SLC24A2: variants seen among roughly 807,000 people sequenced by gnomAD.
SLC24A2 encodes the protein solute carrier family 24 member 2.
A neutral mutation model predicts 62.0 loss-of-function variants in SLC24A2; 36 were observed. The ratio of observed to expected loss-of-function variants is 0.58; its 90% CI spans 0.44 to 0.77. The LOEUF (loss-of-function observed/expected upper bound fraction) is 0.77, where lower values mean the gene tolerates loss of function less well. Ranked by LOEUF, SLC24A2 falls within the 30% of genes least tolerant of loss-of-function variation. SLC24A2 has a pLI of 0.00. For synonymous variants in SLC24A2, 358 were observed against 294.0 expected (o/e 1.22, Z -2.23); for missense variants, 846 against 817.9 (o/e 1.03, Z -0.42).
chr9:19,980,497 A>T, the SLC24A2 span, among the ~76,000 whole-genome samples: 2 of 152,124 alleles, frequency 1.3e-5, no homozygotes, highest in Non-Finnish European at 2.9e-5. Flanking sequence ...GAAAAGACAA[A>T]AGTAAGTCTT....
chr9:19,865,646 T>C, the SLC24A2 span, among the ~76,000 whole-genome samples: 48 of 152,110 alleles, frequency 3.2e-4, no homozygotes, highest in African/African-American at 1.1e-3. Flanking sequence ...TGGATATCCA[T>C]ATACAGAAGA....
chr9:19,807,962 A>G, the SLC24A2 span, among the ~76,000 whole-genome samples: 1 of 152,256 alleles, frequency 6.6e-6, no homozygotes, highest in African/African-American at 2.4e-5. Context: ...CTAAATGGTT[A>G]TTCCTTTCAG....
the SLC24A2 span, among the ~76,000 whole-genome samples, chr9:20,273,633 T>G: frequency 6.6e-6 from 1 of 152,200 alleles, no homozygotes. Flanking sequence ...CCTCCTTGCC[T>G]TCCACCATGA....
At chr9:19,691,496 C>G (rs1267170012) in intron 2 of SLC24A2, among the ~76,000 whole-genome samples, 2 of 152,168 alleles carry the variant, frequency 1.3e-5, no homozygotes, top group Non-Finnish European at 2.9e-5. Context: ...CCTCAGTCAT[C>G]CATGCACTAC....
chr9:19,723,244 G>A (rs1178770275), intron 2 of SLC24A2, among the ~76,000 whole-genome samples: 2 of 152,014 alleles, frequency 1.3e-5, no homozygotes, highest in Admixed American at 6.6e-5. Context: ...ATTATTTTAG[G>A]TAGTGCTTTA....
Position 19,787,021 on chromosome 9 carries a change from T to C in SLC24A2, c.-153-2A>G. 7.2e-7 allele frequency: 1 copy of C among 1,385,680 alleles called. No individual in the cohort carries two copies. Among genetic ancestry groups the C allele is most frequent in the South Asian group, 1.9e-5 (1 of 52,476 alleles). The allele number at this position is 1,385,680 out of a possible 1,614,324, so 85.8% of individuals were successfully genotyped here. ...CACAGGAAACTTTCATCATTTATGC[T>C]TAAATAAAAATAAAAACGAGAATAA... is the stretch of plus-strand genomic sequence containing the variant. On this transcript the variant is annotated splice_acceptor_variant, in intron 1 of 10. Transcript: ENST00000341998. LOFTEE classifies it low-confidence loss of function (5UTR_SPLICE).
chr9:19,817,339 G>T, the SLC24A2 span, among the ~76,000 whole-genome samples: 8 of 151,448 alleles, frequency 5.3e-5, no homozygotes, highest in Non-Finnish European at 1.0e-4. Context: ...GCCCAAAAGA[G>T]GCAAAAGATA....
chr9:20,216,154 G>A, the SLC24A2 span, among the ~76,000 whole-genome samples: 34 of 152,104 alleles, frequency 2.2e-4, no homozygotes, highest in East Asian at 3.8e-4. Flanking sequence ...TGATATCAAC[G>A]GTGCCTTGGG....
chr9:19,558,432 A>AGG (rs1437922879), intron 7 of SLC24A2, among the ~76,000 whole-genome samples: 1 of 152,224 alleles, frequency 6.6e-6, no homozygotes, highest in East Asian at 1.9e-4. Flanking sequence ...AGTCTGATGT[A>AGG]GGGAGGAGGT....
the SLC24A2 span, among the ~76,000 whole-genome samples, chr9:20,078,428 T>A: frequency 2.8e-4 from 43 of 152,056 alleles, no homozygotes; most frequent in African/African-American, 9.9e-4. Flanking sequence ...AGCATAGGTT[T>A]CTGGGGCTTT....
At chr9:20,066,649 T>C in the SLC24A2 span, among the ~76,000 whole-genome samples, 1 of 152,280 alleles carries the variant, frequency 6.6e-6, no homozygotes, top group East Asian at 1.9e-4. Flanking sequence ...TTATGGAACA[T>C]GGGTATTAAT....
At chr9:19,535,896 G>C (rs994422941) in intron 8 of SLC24A2, among the ~76,000 whole-genome samples, 25 of 151,716 alleles carry the variant, frequency 1.6e-4, no homozygotes, top group African/African-American at 5.6e-4. Flanking sequence ...GTGGTAGCTT[G>C]ATGGGGACAG....
At chr9:20,192,283 A>G in the SLC24A2 span, among the ~76,000 whole-genome samples, 11 of 152,130 alleles carry the variant, frequency 7.2e-5, no homozygotes, top group East Asian at 1.3e-3. Flanking sequence ...GGCCAAGAAG[A>G]TGGACAAAGG....
At chr9:19,780,536 G>A (rs1822982480) in intron 2 of SLC24A2, among the ~76,000 whole-genome samples, 1 of 151,578 alleles carries the variant, frequency 6.6e-6, no homozygotes, top group African/African-American at 2.4e-5. Context: ...AAAGTGCTGG[G>A]ATTACAGGTG....
chr9:20,034,994 A>C, the SLC24A2 span, among the ~76,000 whole-genome samples: 6 of 152,312 alleles, frequency 3.9e-5, no homozygotes, highest in Admixed American at 3.9e-4. Context: ...CCAAGAAAAA[A>C]TATAGTTAAA....
chr9:20,089,410 C>T, the SLC24A2 span, among the ~76,000 whole-genome samples: 3 of 152,070 alleles, frequency 2.0e-5, no homozygotes, highest in Non-Finnish European at 2.9e-5. Context: ...CAAACCACAA[C>T]CCCTGTGCCA....
intron 2 of SLC24A2, among the ~76,000 whole-genome samples, chr9:19,676,909 T>C (rs530639713): frequency 8.9e-4 from 136 of 152,324 alleles, no homozygotes; most frequent in African/African-American, 3.2e-3. Context: ...AGAATGGCTA[T>C]TAATAAAAAG....
chr9:19,888,917 C>G, the SLC24A2 span, among the ~76,000 whole-genome samples: 1 of 152,182 alleles, frequency 6.6e-6, no homozygotes, highest in African/African-American at 2.4e-5. Flanking sequence ...CTGTTTCTCC[C>G]TGAATCTAAC....
In SLC24A2 at chr9:19,786,962, T is replaced by C. The variant is rs111260124; in HGVS notation, c.-96A>G. 1,014 of 1,519,790 alleles carry C rather than the reference T, an allele frequency of 6.7e-4. 5 individuals carry two copies. The African/African-American group carries it at 0.012, about 18-fold the overall frequency. The allele number at this position is 1,519,790 out of a possible 1,614,324, so 94.1% of individuals were successfully genotyped here. A position where few individuals can be genotyped will look rare whatever the true frequency, so the allele number is the denominator to read the frequency against. On this transcript the variant is annotated 5_prime_UTR_variant, in exon 2 of 11. Transcript: ENST00000341998. The surrounding 1 kb of genome is among the most constrained non-coding windows in gnomAD (Gnocchi z 5.0). ...CTTACTTTATAGTTAACGATGCTTG[T>C]GGGGTACTTTCACAATCAGGGATTG...
Sources: gnomAD v4.1 joint callset for allele counts (sites outside exome capture counted in the v4.1 genomes callset) on GRCh38, gnomAD v4.1.1 for gene constraint, Gnocchi (gnomAD v3.1) non-coding constraint, MANE v1.5 for transcripts, NCBI Gene and HGNC (gene_info 2026-07-23, HGNC 2026-07-21) for gene names.